Variants in SGCD observed in about 807,000 individuals in gnomAD.
The protein encoded by SGCD is sarcoglycan delta.
SGCD carries 18 observed loss-of-function variants against 36.6 expected under a neutral mutation model. The observed-to-expected ratio is 0.49, with a 90% CI of 0.34 to 0.73. The LOEUF (loss-of-function observed/expected upper bound fraction) is 0.73, where lower values mean the gene tolerates loss of function less well. SGCD is among the 30% of genes least tolerant of loss of function. The pLI is 0.01. For synonymous variants in SGCD, 133 were observed against 130.6 expected (o/e 1.02, Z -0.12); for missense variants, 387 against 346.7 (o/e 1.12, Z -0.92).
the SGCD span, among the ~76,000 whole-genome samples, chr5:155,842,315 C>T: frequency 6.6e-6 from 1 of 151,010 alleles, no homozygotes; most frequent in African/African-American, 2.4e-5. Context: ...TGGCTCACAC[C>T]TGTAATCCCA....
intron 1 of SGCD, among the ~76,000 whole-genome samples, chr5:155,926,669 C>T (rs1757002482): frequency 6.6e-6 from 1 of 151,634 alleles, no homozygotes; most frequent in Non-Finnish European, 1.5e-5. Context: ...TTTTCAACAG[C>T]AAAAAAATTG....
At chr5:156,161,831 T>A (rs935001576) in intron 3 of SGCD, among the ~76,000 whole-genome samples, 18 of 151,722 alleles carry the variant, frequency 1.2e-4, no homozygotes, top group Non-Finnish European at 1.5e-4. Context: ...TTTCTGAATA[T>A]AGCAACTGTT....
intron 3 of SGCD, among the ~76,000 whole-genome samples, chr5:156,463,134 T>TTTGG (rs1265633637): frequency 6.6e-6 from 1 of 150,990 alleles, no homozygotes; most frequent in East Asian, 2.0e-4. Flanking sequence ...AGTTTGTTTT[T>TTTGG]TTGGTTTGTT....
chr5:156,413,636 C>T (rs1580953030), intron 3 of SGCD, among the ~76,000 whole-genome samples: 1 of 152,326 alleles, frequency 6.6e-6, no homozygotes, highest in Non-Finnish European at 1.5e-5. Context: ...GCCACCACAC[C>T]TGGCTACTTT....
Position 155,928,614 on chromosome 5 carries a change from G to A in SGCD, c.-282+58190G>A, listed in dbSNP as rs189173836. ...ACCCGGGAGGCGGAGATTTCAGTGA[G>A]CCGAGATCGCACCACTGCACTCCAG... On this transcript the variant is annotated intron_variant, in intron 1 of 9. Transcript: ENST00000517913. 1.6e-4 allele frequency among the ~76,000 whole-genome samples: 22 copies of A among 140,580 alleles called. No homozygotes were observed. In the East Asian group the frequency reaches 3.4e-3, roughly 22 times the overall value. The allele number at this position is 140,580 out of a possible 152,430, so 92.2% of individuals were successfully genotyped here.
In SGCD at chr5:156,482,393, T is replaced by C. The variant is rs188696662; in HGVS notation, c.193-26208T>C. On this transcript the variant is annotated intron_variant, in intron 3 of 8. Transcript: ENST00000337851. ...TATAGGAAGGGTAATATTGTTTCAC[T>C]TTGTTGTTAGTGTTTTACACATATT... 4.3e-4 allele frequency among the ~76,000 whole-genome samples: 65 copies of C among 152,342 alleles called. No homozygotes were observed. In the South Asian group the frequency reaches 6.6e-3, roughly 16 times the overall value.
intron 3 of SGCD, among the ~76,000 whole-genome samples, chr5:156,494,846 C>T (rs972108070): frequency 2.6e-5 from 4 of 152,118 alleles, no homozygotes; most frequent in African/African-American, 9.6e-5. Flanking sequence ...GTACCATACT[C>T]ATTCTCCCTG....
chr5:156,490,355 T>A (rs1755879855), intron 3 of SGCD, among the ~76,000 whole-genome samples: 3 of 152,116 alleles, frequency 2.0e-5, no homozygotes, highest in African/African-American at 7.2e-5. Flanking sequence ...ACTCATTTTA[T>A]GAGGGCAGCA....
chr5:156,325,346 G>A (rs1032058875), upstream of SGCD, among the ~76,000 whole-genome samples: 1 of 142,568 alleles, frequency 7.0e-6, no homozygotes, highest in Non-Finnish European at 1.5e-5. Context: ...TAGAGAAAAG[G>A]TTTGCATTTT....
chr5:156,553,435 C>T (rs150377199), intron 4 of SGCD, among the ~76,000 whole-genome samples: 341 of 152,270 alleles, frequency 2.2e-3, no homozygotes, highest in African/African-American at 8.1e-3. Context: ...CCTATACCTA[C>T]CTGTTAATTC....
chr5:155,983,449 G>A (rs1012964363), intron 1 of SGCD, among the ~76,000 whole-genome samples: 7 of 152,078 alleles, frequency 4.6e-5, no homozygotes, highest in African/African-American at 1.4e-4. Flanking sequence ...ACAGGTGCAC[G>A]CCACCATGCC....
chr5:156,013,540 G>A (rs1758905026), intron 1 of SGCD, among the ~76,000 whole-genome samples: 1 of 152,064 alleles, frequency 6.6e-6, no homozygotes, highest in African/African-American at 2.4e-5. Context: ...TTAAAATATT[G>A]TCAGTTTAAT....
chr5:156,633,782 A>G (rs1336126906), intron 6 of SGCD, among the ~76,000 whole-genome samples: 2 of 152,224 alleles, frequency 1.3e-5, no homozygotes, highest in Non-Finnish European at 2.9e-5. Flanking sequence ...GACAAAGCGT[A>G]CATGGTGTCA....
At chr5:155,997,757 T>C (rs1241919895) in intron 1 of SGCD, among the ~76,000 whole-genome samples, 1 of 152,204 alleles carries the variant, frequency 6.6e-6, no homozygotes, top group Non-Finnish European at 1.5e-5. Flanking sequence ...TGTTTTCCCA[T>C]TGGAGGAATA....
At chr5:155,746,392 C>CA in the SGCD span, among the ~76,000 whole-genome samples, 16,807 of 149,878 alleles carry the variant, frequency 0.11, 1,170 homozygotes, top group South Asian at 0.25. Flanking sequence ...GACCCTGTCT[C>CA]AAAAAAAAAG....
At chr5:156,244,714 T>C (rs527713840) in intron 3 of SGCD, among the ~76,000 whole-genome samples, 20 of 152,244 alleles carry the variant, frequency 1.3e-4, no homozygotes, top group Non-Finnish European at 2.8e-4. Context: ...AGCCCCATTC[T>C]TAGATATTGA....
the SGCD span, among the ~76,000 whole-genome samples, chr5:155,805,436 G>A: frequency 6.6e-6 from 1 of 152,170 alleles, no homozygotes; most frequent in Admixed American, 6.5e-5. Flanking sequence ...GGTAGGAAAA[G>A]GTTTCTCAAT....
chr5:155,791,666 C>A, the SGCD span, among the ~76,000 whole-genome samples: 1 of 151,742 alleles, frequency 6.6e-6, no homozygotes, highest in Non-Finnish European at 1.5e-5. Flanking sequence ...ACAATAGCAA[C>A]AAAAAAATGA....
chr5:156,237,649 G>T (rs1036429530), intron 3 of SGCD, among the ~76,000 whole-genome samples: 2 of 151,890 alleles, frequency 1.3e-5, no homozygotes, highest in Non-Finnish European at 2.9e-5. Flanking sequence ...AAAACAAAGC[G>T]GGACACTTTC....
Sources: allele counts gnomAD v4.1 joint callset (sites outside exome capture counted in the v4.1 genomes callset), GRCh38; gene constraint gnomAD v4.1.1; transcripts MANE v1.5; gene names NCBI Gene and HGNC (gene_info 2026-07-23, HGNC 2026-07-21).